Variants in SEC61A1 observed in about 807,000 individuals in gnomAD.
The protein encoded by SEC61A1 is SEC61 translocon subunit alpha 1, also known as protein transport protein Sec61 subunit alpha isoform 1.
Under a neutral mutation model 55.2 loss-of-function variants are expected in SEC61A1, and 15 were observed. The observed-to-expected ratio is 0.27, with a 90% CI of 0.18 to 0.42. SEC61A1 has a LOEUF of 0.42. Among genes scored for constraint, SEC61A1 ranks in the 10% least tolerant of loss-of-function variants. The pLI is 1.00. For synonymous variants in SEC61A1, 247 were observed against 234.0 expected (o/e 1.06, Z -0.51); for missense variants, 284 against 602.6 (o/e 0.47, Z 5.53).
chr3:128,052,224 C>A (rs1472367284), upstream of SEC61A1: 20 of 370,592 alleles, frequency 5.4e-5, no homozygotes, highest in Non-Finnish European at 7.2e-5. Flanking sequence ...CAGCCGCACA[C>A]CCCCAGTCCC....
Position 128,070,486 on chromosome 3 carries a change from C to T in SEC61A1, c.*824C>T, listed in dbSNP as rs1942129166. The T allele has an allele frequency of 6.6e-6, 1 of 152,258 alleles. No individual in the cohort carries two copies. The highest frequency in any genetic ancestry group is 2.4e-5 in the African/African-American group (1 of 41,454). 9.4% of individuals were successfully genotyped at this position (152,258 alleles called of 1,614,324 possible). ...CCAGTCATCACTGGACACGTCTCCTCGCAGCTGCCCTAGCAAGGGGAGACA... is the reference window on the plus strand; with the variant it reads ...CCAGTCATCACTGGACACGTCTCCTTGCAGCTGCCCTAGCAAGGGGAGACA... On this transcript the variant is annotated 3_prime_UTR_variant, in exon 12 of 12. Transcript: ENST00000243253.
chr3:128,058,848 T>C (rs1456344130), intron 5 of SEC61A1, among the ~76,000 whole-genome samples: 1 of 152,120 alleles, frequency 6.6e-6, no homozygotes, highest in Non-Finnish European at 1.5e-5. Context: ...AGAGCCTGTC[T>C]CTTAAAACAA....
At chr3:128,051,826 T>A, upstream of SEC61A1, 1 of 1,535,610 alleles carries the variant, frequency 6.5e-7, no homozygotes, top group Non-Finnish European at 8.7e-7. Context: ...CAGAAACTCA[T>A]CCCATTCGTT....
Position 128,067,797 on chromosome 3 carries a change from T to A in SEC61A1, c.1167+185T>A. ...TCCAGCAGTAGATCAGCTGTGGGTA[T>A]GAGAATCTGAATCCACACTGTAAAG... On this transcript the variant is annotated intron_variant, in intron 10 of 11. Coordinates refer to ENST00000243253, the MANE Select transcript of SEC61A1 (RefSeq NM_013336.4). The surrounding 1 kb of genome is among the most constrained non-coding windows in gnomAD (Gnocchi z 4.1). The A allele has an allele frequency of 1.5e-6, 1 of 674,774 alleles. No homozygotes were observed. The allele number at this position is 674,774 out of a possible 1,614,324, so 41.8% of individuals were successfully genotyped here.
chr3:128,064,659 TCAAAAA>T, intron 7 of SEC61A1: 1 of 539,854 alleles, frequency 1.9e-6, no homozygotes, highest in Non-Finnish European at 3.2e-6. Flanking sequence ...CTAAAAAAAA[TCAAAAA>T]CAAACCAGAA....
chr3:128,067,236 C>T lies in SEC61A1; in HGVS notation c.975+85C>T. 1 of 1,380,196 alleles carries T rather than the reference C, an allele frequency of 7.2e-7. No individual in the cohort carries two copies. Among genetic ancestry groups the T allele is most frequent in the East Asian group, 2.3e-5 (1 of 43,570 alleles). 85.5% of individuals were successfully genotyped at this position (1,380,196 alleles called of 1,614,324 possible). A position where few individuals can be genotyped will look rare whatever the true frequency, so the allele number is the denominator to read the frequency against. ...GTGTCTTGCTCATGAACAGATATTTCATCCAAAGATATTTTCCATTGTGCC... is the reference window on the plus strand; with the variant it reads ...GTGTCTTGCTCATGAACAGATATTTTATCCAAAGATATTTTCCATTGTGCC... On this transcript the variant is annotated intron_variant, in intron 9 of 11. Coordinates refer to ENST00000243253, the MANE Select transcript of SEC61A1 (RefSeq NM_013336.4). The surrounding 1 kb of genome is among the most constrained non-coding windows in gnomAD (Gnocchi z 4.1).
Position 128,068,047 on chromosome 3 carries a change from A to G in SEC61A1, c.1232A>G (p.His411Arg), listed in dbSNP as rs1942038081. Residue 411 changes from histidine to arginine, a missense_variant, in exon 11 of 12, where the codon CAT (histidine) becomes CGT (arginine). His to Arg is a conservative substitution (Grantham distance 29). Coordinates refer to ENST00000243253, the MANE Select transcript of SEC61A1 (RefSeq NM_013336.4). ...GGCCACCGAGAGACCTCCATGGTCC[A>G]TGAACTCAACCGGTGAGTGGTGGCC... ...MRGHRETSMV[H>R]ELNRYIPTAA... is the part of the protein sequence containing the mutation. 1 of 1,613,678 alleles carries G rather than the reference A, an allele frequency of 6.2e-7. No individual in the cohort carries two copies. The highest frequency in any genetic ancestry group is 8.5e-7 in the Non-Finnish European group (1 of 1,179,934).
At chr3:128,065,076 G>A in intron 8 of SEC61A1, 39 bp downstream of exon 8, 1 of 1,607,310 alleles carries the variant, frequency 6.2e-7, no homozygotes, top group Non-Finnish European at 8.5e-7. Flanking sequence ...TCCATGGTCT[G>A]GATTTAAGTT....
chr3:128,063,394 T>C (rs566465126), intron 7 of SEC61A1, among the ~76,000 whole-genome samples: 4 of 152,338 alleles, frequency 2.6e-5, no homozygotes, highest in East Asian at 3.9e-4. Flanking sequence ...CTGGAGTGCA[T>C]TGGCGCCATC....
chr3:128,068,448 T>C (rs1201563601), intron 11 of SEC61A1, among the ~76,000 whole-genome samples: 1 of 152,134 alleles, frequency 6.6e-6, no homozygotes, highest in East Asian at 1.9e-4. Flanking sequence ...AGCAGGCAGG[T>C]CCTGGCATCT....
chr3:128,066,928 G>A lies in SEC61A1; in HGVS notation c.778-26G>A, dbSNP rs369469434. 13 of 1,612,988 alleles carry A rather than the reference G, an allele frequency of 8.1e-6. No individual in the cohort carries two copies. The African/African-American group carries it at 1.6e-4, about 20-fold the overall frequency. On this transcript the variant is annotated intron_variant, in intron 8 of 11. Transcript: ENST00000243253. Reference sequence around the variant, plus strand: ...GCAGGCTGAAATGAGGCAGTGAAGGGGATTTGGTTCTGTTTGGCTTCTCAG... The same window carrying A: ...GCAGGCTGAAATGAGGCAGTGAAGGAGATTTGGTTCTGTTTGGCTTCTCAG...
At chr3:128,052,604 T>TC (rs1941704616) in intron 1 of SEC61A1, 45 bp downstream of exon 1, 5 of 1,577,082 alleles carry the variant, frequency 3.2e-6, no homozygotes, top group Non-Finnish European at 4.3e-6. Context: ...ACGGAACAGA[T>TC]CCCCCTTCCC....
rs773696947 is a variant in SEC61A1, at chr3:128,060,090, TTTCAA to T, written c.353-8_353-4del. 78 of 1,600,362 alleles carry T rather than the reference TTTCAA, an allele frequency of 4.9e-5. No individual in the cohort carries two copies. In the African/African-American group the frequency reaches 8.6e-4, roughly 18 times the overall value. On this transcript the variant is annotated splice_region_variant and splice_polypyrimidine_tract_variant and intron_variant, in intron 5 of 11. Transcript: ENST00000243253. ...GACCCACTTGGAAAACACTTCTTTC[TTTCAA>T]TTCTAGTATTTGGCATGATCATTAC...
rs540441036 is a variant in SEC61A1, at chr3:128,068,261, T to G, written c.1244+202T>G. 8.1e-4 allele frequency among the ~76,000 whole-genome samples: 124 copies of G among 152,372 alleles called. 9 individuals are homozygous for G. Among genetic ancestry groups the G allele is most frequent in the Non-Finnish European group, 3.7e-4 (25 of 68,036 alleles). On this transcript the variant is annotated intron_variant, in intron 11 of 11. Coordinates refer to ENST00000243253, the MANE Select transcript of SEC61A1 (RefSeq NM_013336.4). ...CGTAAAAATAAACACTTACAGCCCC[T>G]TTCCTCCAGAGGGAGCCACTGGGTA...
At chr3:128,063,633 C>A (rs1184863101) in intron 7 of SEC61A1, among the ~76,000 whole-genome samples, 1 of 152,190 alleles carries the variant, frequency 6.6e-6, no homozygotes. Flanking sequence ...CCACGCCCGA[C>A]TCCTATTTGA....
chr3:128,054,082 GAA>G, intron 2 of SEC61A1, among the ~76,000 whole-genome samples: 1 of 152,192 alleles, frequency 6.6e-6, no homozygotes, highest in East Asian at 1.9e-4. Context: ...ATTAGGAGAT[GAA>G]TAACAAGGGC....
chr3:128,052,159 G>A (rs1220534843), upstream of SEC61A1, among the ~76,000 whole-genome samples: 1 of 152,116 alleles, frequency 6.6e-6, no homozygotes, highest in Non-Finnish European at 1.5e-5. Context: ...CACAGCCCCA[G>A]TCTCGGGAGG....
rs772077545 is a variant in SEC61A1, at chr3:128,067,651, T to C, written c.1167+39T>C. ...AAACTTTCTGGAAGGGTGATGAAAGTGTGACTGGTATAAGGGGTGTGGACT... is the reference window on the plus strand; with the variant it reads ...AAACTTTCTGGAAGGGTGATGAAAGCGTGACTGGTATAAGGGGTGTGGACT... On this transcript the variant is annotated intron_variant, in intron 10 of 11. Coordinates refer to ENST00000243253, the MANE Select transcript of SEC61A1 (RefSeq NM_013336.4). The surrounding 1 kb of genome is among the most constrained non-coding windows in gnomAD (Gnocchi z 4.1). The C allele has an allele frequency of 2.0e-6, 3 of 1,505,084 alleles. No individual in the cohort carries two copies. The highest frequency in any genetic ancestry group is 2.3e-5 in the East Asian group (1 of 44,352). The allele number at this position is 1,505,084 out of a possible 1,614,324, so 93.2% of individuals were successfully genotyped here. A position where few individuals can be genotyped will look rare whatever the true frequency, so the allele number is the denominator to read the frequency against.
At chr3:128,051,650 G>T, upstream of SEC61A1, 1 of 1,403,834 alleles carries the variant, frequency 7.1e-7, no homozygotes, top group Non-Finnish European at 9.3e-7. Flanking sequence ...CAATCACACC[G>T]CCATGCTTTG....
Sources: allele counts gnomAD v4.1 joint callset (sites outside exome capture counted in the v4.1 genomes callset), GRCh38; gene constraint gnomAD v4.1.1; non-coding constraint Gnocchi (gnomAD v3.1); transcripts MANE v1.5; gene names NCBI Gene and HGNC (gene_info 2026-07-23, HGNC 2026-07-21).